Variants in TTYH2 observed in about 807,000 individuals in gnomAD.
TTYH2 encodes the protein tweety family member 2, also known as protein tweety homolog 2.
In TTYH2, 49 loss-of-function variants were observed where a neutral mutation model predicts 68.3. The ratio of observed to expected loss-of-function variants is 0.72; its 90% CI spans 0.57 to 0.91. TTYH2 has a LOEUF of 0.91. Among genes scored for constraint, TTYH2 ranks in the 40% least tolerant of loss-of-function variants. The pLI, the probability that TTYH2 is intolerant of heterozygous loss-of-function variation, is 0.00. For synonymous variants in TTYH2, 272 were observed against 300.8 expected (o/e 0.90, Z 0.99); for missense variants, 631 against 700.4 (o/e 0.90, Z 1.12).
chr17:74,237,368 C>T lies in TTYH2; in HGVS notation c.489C>T (p.Ala163=), dbSNP rs371985498. 1.2e-6 allele frequency: 2 copies of T among 1,614,022 alleles called. No individual in the cohort carries two copies. Among genetic ancestry groups the T allele is most frequent in the African/African-American group, 2.7e-5 (2 of 74,902 alleles). Reference sequence around the variant, plus strand: ...CCCGGCTCAGTGAGATCTTTGCTGCCCGGGGCGATTACCTGCAGACCCTGA... The same window carrying T: ...CCCGGCTCAGTGAGATCTTTGCTGCTCGGGGCGATTACCTGCAGACCCTGA... ...HLARLSEIFA[A]RGDYLQTLKF... is the part of the protein sequence containing the mutation. Residue 163 remains alanine (A), a synonymous_variant, in exon 4 of 14, where the codon GCC becomes GCT. Coordinates refer to ENST00000269346, the MANE Select transcript of TTYH2 (RefSeq NM_032646.6).
At chr17:74,229,985 G>C (rs1355348004) in intron 2 of TTYH2, among the ~76,000 whole-genome samples, 1 of 152,164 alleles carries the variant, frequency 6.6e-6, no homozygotes, top group Non-Finnish European at 1.5e-5. Flanking sequence ...ACAAAAATTA[G>C]CCAGGCGTGG....
chr17:74,226,443 C>A (rs1037026484), intron 2 of TTYH2, among the ~76,000 whole-genome samples: 1 of 150,828 alleles, frequency 6.6e-6, no homozygotes, highest in South Asian at 2.1e-4. Flanking sequence ...GACCACTGCA[C>A]GTGGGAGGGG....
At chr17:74,252,207 A>G (rs2050638474) in intron 10 of TTYH2, 27 bp from the exon 11 acceptor site, 8 of 1,610,224 alleles carry the variant, frequency 5.0e-6, no homozygotes, top group Admixed American at 1.7e-5. Flanking sequence ...CTCCTTCACT[A>G]GCTGCATGTC....
Position 74,249,331 on chromosome 17 carries a change from C to A in TTYH2, c.875-13C>A, listed in dbSNP as rs752755505. The A allele has an allele frequency of 1.2e-6, 2 of 1,613,958 alleles. No homozygotes were observed. Among genetic ancestry groups the A allele is most frequent in the Middle Eastern group, 1.6e-4 (1 of 6,084 alleles). On this transcript the variant is annotated splice_polypyrimidine_tract_variant and intron_variant, in intron 7 of 13. Transcript: ENST00000269346. The stretch of plus-strand genomic sequence containing the variant: ...ATTTGTGAGCTGCCTAACGTTATGC[C>A]GTTGCCCTGCAGAGGTGACTCGCTA...
chr17:74,248,905 G>T, intron 6 of TTYH2, 106 bp from the exon 7 acceptor site: 2 of 1,574,214 alleles, frequency 1.3e-6, no homozygotes, highest in Non-Finnish European at 1.7e-6. Context: ...TTTGCCACCT[G>T]GGAGGGAGCT....
intron 11 of TTYH2, among the ~76,000 whole-genome samples, chr17:74,252,844 G>GAA (rs2050648818): frequency 6.6e-6 from 1 of 152,226 alleles, no homozygotes; most frequent in Admixed American, 6.5e-5. Flanking sequence ...AGGGTAGTGG[G>GAA]GACCCACATG....
intron 2 of TTYH2, 145 bp from the exon 3 acceptor site, chr17:74,230,743 C>T: frequency 1.4e-6 from 1 of 701,124 alleles, no homozygotes; most frequent in East Asian, 3.1e-5. Flanking sequence ...TGGGTTCAAG[C>T]AATTCTATGC....
chr17:74,243,923 G>A, intron 5 of TTYH2, 54 bp from the exon 6 acceptor site: 2 of 1,573,224 alleles, frequency 1.3e-6, no homozygotes, highest in Non-Finnish European at 1.7e-6. Context: ...GTGGGGTGAT[G>A]GCTGAGAGGA....
intron 1 of TTYH2, among the ~76,000 whole-genome samples, chr17:74,220,797 T>C (rs913795448): frequency 6.6e-6 from 1 of 151,782 alleles, no homozygotes; most frequent in Non-Finnish European, 1.5e-5. Flanking sequence ...CCACTTTTTT[T>C]TTTTTTCTAG....
At position 74,222,541 on chromosome 17, in the gene TTYH2, C is replaced by A; in HGVS notation, c.186C>A (p.Phe62Leu). Residue 62 changes from phenylalanine (F) to leucine (L), a missense_variant, in exon 2 of 14, where the codon TTC (phenylalanine) becomes TTA (leucine). By Grantham distance (22) the Phe-to-Leu change is conservative (BLOSUM62 0). Coordinates refer to ENST00000269346, the MANE Select transcript of TTYH2 (RefSeq NM_032646.6). This position sits in a 1 kb window ranked among gnomAD's most constrained non-coding sequence, Gnocchi z 5.2. ...TCTGCCTGGGCCTGAACCTCATCTT[C>A]CTTGTGGCTTACCTGGTCTGTGCAT... ...AAVCLGLNLIFLVAYLVCACH... is the reference protein window; with the variant it reads ...AAVCLGLNLILLVAYLVCACH... The A allele has an allele frequency of 6.2e-7, 1 of 1,612,670 alleles. No individual in the cohort carries two copies. The highest frequency in any genetic ancestry group is 8.5e-7 in the Non-Finnish European group (1 of 1,180,000).
In TTYH2 at chr17:74,214,869, T is replaced by A. The variant is rs916416296; in HGVS notation, c.129+1153T>A. 1.7e-4 allele frequency among the ~76,000 whole-genome samples: 26 copies of A among 152,146 alleles called. No homozygotes were observed. Among genetic ancestry groups the A allele is most frequent in the Non-Finnish European group, 3.7e-4 (25 of 68,008 alleles). On this transcript the variant is annotated intron_variant, in intron 1 of 13. Transcript: ENST00000269346. The surrounding 1 kb of genome is among the most constrained non-coding windows in gnomAD (Gnocchi z 4.6). ...CCTCTTGGAGGGAATCCTGATCCAG[T>A]GTGAGGTGCCCAAGCGCCAGTGACA...
chr17:74,244,855 A>AGTGT (rs58119512), intron 6 of TTYH2, among the ~76,000 whole-genome samples: 2,475 of 149,910 alleles, frequency 0.017, 42 homozygotes, highest in African/African-American at 0.041. Flanking sequence ...GTGGAGGTGC[A>AGTGT]GTGTGTGTGT....
intron 3 of TTYH2, 129 bp from the exon 4 acceptor site, chr17:74,237,165 G>T: frequency 3.3e-6 from 3 of 898,476 alleles, no homozygotes; most frequent in Non-Finnish European, 5.2e-6. Context: ...CTCCCGAAGT[G>T]CTGGGATGAC....
Position 74,253,077 on chromosome 17 carries a change from C to G in TTYH2, c.1260-4C>G. On this transcript the variant is annotated splice_region_variant and splice_polypyrimidine_tract_variant and intron_variant, in intron 11 of 13. Transcript: ENST00000269346. ...AGCCGGCCATCTTCTACCCATTGTT[C>G]TAGAAACAGAGACTACGATGACATT... 6.2e-7 allele frequency: 1 copy of G among 1,613,604 alleles called. No homozygotes were observed. Among genetic ancestry groups the G allele is most frequent in the Non-Finnish European group, 8.5e-7 (1 of 1,179,800 alleles).
chr17:74,219,403 A>AAAAAAAAAAAAAAAG (rs1241503126), intron 1 of TTYH2, among the ~76,000 whole-genome samples: 5 of 149,636 alleles, frequency 3.3e-5, no homozygotes, highest in African/African-American at 1.3e-4. Context: ...AAAAAAAAAA[A>AAAAAAAAAAAAAAAG]GAATAACTTA....
chr17:74,250,440 G>T (rs911332636), intron 10 of TTYH2, 83 bp downstream of exon 10: 37 of 1,176,082 alleles, frequency 3.1e-5, no homozygotes, highest in Non-Finnish European at 4.3e-5. Flanking sequence ...GGTAGAGGCC[G>T]AGGGGAGCGA....
At chr17:74,255,255 C>T (rs1369875479) in intron 13 of TTYH2, among the ~76,000 whole-genome samples, 1 of 152,138 alleles carries the variant, frequency 6.6e-6, no homozygotes, top group Non-Finnish European at 1.5e-5. Flanking sequence ...GCCTCAGTTT[C>T]CCCATCTATA....
intron 11 of TTYH2, 140 bp downstream of exon 11, chr17:74,252,516 G>C: frequency 8.9e-7 from 1 of 1,117,852 alleles, no homozygotes; most frequent in Non-Finnish European, 1.2e-6. Context: ...CAGCCCAACA[G>C]GCTGGCTGAC....
chr17:74,248,171 G>A, intron 6 of TTYH2: 2 of 693,792 alleles, frequency 2.9e-6, no homozygotes, highest in African/African-American at 1.9e-5. Flanking sequence ...AGAGGAGGGG[G>A]ACATCCCTAA....
Sources: gnomAD v4.1 joint callset for allele counts (sites outside exome capture counted in the v4.1 genomes callset) on GRCh38, gnomAD v4.1.1 for gene constraint, Gnocchi (gnomAD v3.1) non-coding constraint, MANE v1.5 for transcripts, NCBI Gene and HGNC (gene_info 2026-07-23, HGNC 2026-07-21) for gene names.